EYS: variants seen among roughly 807,000 people sequenced by gnomAD.
The protein encoded by EYS is protein eyes shut homolog.
Under a neutral mutation model 282.1 loss-of-function variants are expected in EYS, and 250 were observed. The observed-to-expected ratio is 0.89, with a 90% CI of 0.80 to 0.98. The LOEUF (loss-of-function observed/expected upper bound fraction) is 0.98. Ranked by LOEUF, EYS falls within the 50% of genes least tolerant of loss-of-function variation. EYS has a pLI of 0.00. For missense variants in EYS, 4,016 were observed against 3,709.0 expected (o/e 1.08, Z -2.15); for synonymous variants, 1,355 against 1,282.9 (o/e 1.06, Z -1.20).
At chr6:64,864,385 C>CTTTTTTTTTTTTTTGTTTT (rs1766349910) in intron 19 of EYS, among the ~76,000 whole-genome samples, 1 of 57,166 alleles carries the variant, frequency 1.7e-5, no homozygotes, top group Non-Finnish European at 3.6e-5. Flanking sequence ...GCTATACCTT[C>CTTTTTTTTTTTTTTGTTTT]TTTTTTTTTT....
intron 11 of EYS, chr6:65,330,787 A>AT: frequency 6.2e-6 from 6 of 962,968 alleles, no homozygotes; most frequent in Non-Finnish European, 7.4e-6. Context: ...CATTTCTTTC[A>AT]TTTATATCGT....
chr6:64,958,486 G>T (rs1769793597), intron 14 of EYS, among the ~76,000 whole-genome samples: 1 of 152,048 alleles, frequency 6.6e-6, no homozygotes, highest in Non-Finnish European at 1.5e-5. Flanking sequence ...GGTGGCTCAC[G>T]CCTGTAATCC....
In EYS at chr6:65,091,859, A is replaced by G. The variant is rs1774578850; in HGVS notation, c.2024-34132T>C. Among the ~76,000 whole-genome samples the G allele has an allele frequency of 2.6e-5, 4 of 152,146 alleles. No homozygotes were observed. The South Asian group carries it at 8.3e-4, about 32-fold the overall frequency. The stretch of plus-strand genomic sequence containing the variant: ...TGGCTTTGAGCCACTGTTGTCTGTG[A>G]AAAATATAACTGCACTGCTGACTCT... On this transcript the variant is annotated intron_variant, in intron 12 of 42. Transcript: ENST00000503581.
At chr6:64,809,177 C>T (rs557005693) in intron 22 of EYS, among the ~76,000 whole-genome samples, 13 of 152,010 alleles carry the variant, frequency 8.6e-5, no homozygotes, top group African/African-American at 2.9e-4. Context: ...GTAACAACCA[C>T]GAAGATCAAT....
At chr6:65,160,065 T>G (rs1014795966) in intron 12 of EYS, among the ~76,000 whole-genome samples, 4 of 151,034 alleles carry the variant, frequency 2.6e-5, no homozygotes, top group African/African-American at 9.7e-5. Flanking sequence ...TGCCAAAATT[T>G]TTCTCATATT....
chr6:63,815,943 GA>G (rs1165724283), intron 36 of EYS, among the ~76,000 whole-genome samples: 1 of 151,838 alleles, frequency 6.6e-6, no homozygotes, highest in Non-Finnish European at 1.5e-5. Flanking sequence ...AGAGAAAAAA[GA>G]AAAAAATCTT....
intron 1 of EYS, among the ~76,000 whole-genome samples, chr6:65,652,824 T>G (rs2149820198): frequency 6.6e-6 from 1 of 152,132 alleles, no homozygotes; most frequent in South Asian, 2.1e-4. Context: ...ATCATGAGAT[T>G]GTACTTATGT....
At chr6:65,660,323 T>A (rs1440277314) in intron 1 of EYS, among the ~76,000 whole-genome samples, 2 of 151,820 alleles carry the variant, frequency 1.3e-5, no homozygotes, top group Non-Finnish European at 3.0e-5. Context: ...GCATGTACTA[T>A]CTCTCCTTTT....
chr6:65,302,423 G>C (rs532479457), intron 11 of EYS: 5 of 636,236 alleles, frequency 7.9e-6, no homozygotes, highest in Non-Finnish European at 1.4e-5. Context: ...TCATTTGGAA[G>C]ATTAAACCCA....
intron 13 of EYS, among the ~76,000 whole-genome samples, chr6:65,013,117 A>G (rs1317989424): frequency 6.6e-6 from 1 of 152,140 alleles, no homozygotes; most frequent in Non-Finnish European, 1.5e-5. Flanking sequence ...TCCCATGCAT[A>G]CCCTTTCTTT....
At chr6:64,098,465 A>C (rs1431769188) in intron 31 of EYS, among the ~76,000 whole-genome samples, 6 of 152,162 alleles carry the variant, frequency 3.9e-5, no homozygotes, top group African/African-American at 1.4e-4. Flanking sequence ...AAATAATCCT[A>C]TCTATTATTT....
At chr6:64,501,352 G>A (rs1179727251) in intron 26 of EYS, among the ~76,000 whole-genome samples, 1 of 151,698 alleles carries the variant, frequency 6.6e-6, no homozygotes, top group South Asian at 2.1e-4. Context: ...AAATCATTAG[G>A]ATAGATTCAA....
intron 22 of EYS, among the ~76,000 whole-genome samples, chr6:64,657,237 C>T (rs1768783369): frequency 6.6e-6 from 1 of 152,050 alleles, no homozygotes; most frequent in Admixed American, 6.6e-5. Flanking sequence ...TTATTTTGAG[C>T]CTATGTGTGT....
At chr6:64,679,229 G>C (rs1290848734) in intron 22 of EYS, among the ~76,000 whole-genome samples, 1 of 151,922 alleles carries the variant, frequency 6.6e-6, no homozygotes, top group African/African-American at 2.4e-5. Context: ...GTGTATTGTT[G>C]GGTATGTTTG....
rs1177808913 is a variant in EYS, at chr6:64,874,092, T to G, written c.2992+12605A>C. Among the ~76,000 whole-genome samples, 11 of 152,222 alleles carry G rather than the reference T, an allele frequency of 7.2e-5. No homozygotes were observed. In the South Asian group the frequency reaches 1.7e-3, roughly 23 times the overall value. On this transcript the variant is annotated intron_variant, in intron 19 of 42. Transcript: ENST00000503581. ...AGTTTGTATGAAACCACAGCACATT[T>G]CAGCTGAATAATGACAGTGCAGAAA...
chr6:64,055,868 CTAAAAACAT>C (rs1485642405), intron 33 of EYS, among the ~76,000 whole-genome samples: 1 of 152,074 alleles, frequency 6.6e-6, no homozygotes, highest in Non-Finnish European at 1.5e-5. Flanking sequence ...CCTAGTTTAT[CTAAAAACAT>C]TGCTTACGTG....
At chr6:65,655,211 A>C (rs911084675) in intron 1 of EYS, among the ~76,000 whole-genome samples, 1 of 151,572 alleles carries the variant, frequency 6.6e-6, no homozygotes, top group Non-Finnish European at 1.5e-5. Flanking sequence ...TTTATAGAGA[A>C]TTCTCAATAA....
intron 12 of EYS, among the ~76,000 whole-genome samples, chr6:65,158,320 T>C (rs1764775562): frequency 6.6e-6 from 1 of 150,884 alleles, no homozygotes; most frequent in Non-Finnish European, 1.5e-5. Context: ...CTACACCTCC[T>C]TAGTTGGACT....
At chr6:65,057,575 A>T (rs1773453218) in intron 13 of EYS, 39 bp downstream of exon 13, 1 of 1,226,992 alleles carries the variant, frequency 8.2e-7, no homozygotes, top group Non-Finnish European at 1.2e-6. Flanking sequence ...TTTTAAAGTT[A>T]ATTATGTTTG....
Sources: allele counts gnomAD v4.1 joint callset (sites outside exome capture counted in the v4.1 genomes callset), GRCh38; gene constraint gnomAD v4.1.1; transcripts MANE v1.5; gene names NCBI Gene and HGNC (gene_info 2026-07-23, HGNC 2026-07-21).